The following CACNB2 variants were observed in gnomAD, a reference collection of about 807,000 sequenced individuals.
The protein encoded by CACNB2 is voltage-dependent L-type calcium channel subunit beta-2.
A neutral mutation model predicts 73.3 loss-of-function variants in CACNB2; 42 were observed. The observed-to-expected ratio is 0.57, with a 90% CI of 0.45 to 0.74. The LOEUF (loss-of-function observed/expected upper bound fraction) is 0.74, where lower values mean the gene tolerates loss of function less well. CACNB2 is among the 30% of genes least tolerant of loss of function. The pLI is 0.00. For synonymous variants in CACNB2, 348 were observed against 310.3 expected (o/e 1.12, Z -1.28); for missense variants, 940 against 853.0 (o/e 1.10, Z -1.27).
intron 2 of CACNB2, chr10:18,400,552 C>T: frequency 9.8e-7 from 1 of 1,022,134 alleles, no homozygotes; most frequent in Non-Finnish European, 1.2e-6. Context: ...CGTCCTCCTC[C>T]CTCCGCCTCC....
intron 2 of CACNB2, among the ~76,000 whole-genome samples, chr10:18,175,396 G>A (rs139515605): frequency 2.0e-5 from 3 of 152,212 alleles, no homozygotes; most frequent in African/African-American, 4.8e-5. Context: ...ATAAAATAAC[G>A]AAGACAGATG....
chr10:18,527,886 T>G (rs777804411), intron 10 of CACNB2, among the ~76,000 whole-genome samples, 189 bp downstream of exon 10: 6 of 152,222 alleles, frequency 3.9e-5, no homozygotes, highest in Admixed American at 3.9e-4. Context: ...AGTTTCAAGT[T>G]AAGAATTCCA....
chr10:18,422,479 G>T (rs1385020583), intron 3 of CACNB2, among the ~76,000 whole-genome samples: 2 of 152,128 alleles, frequency 1.3e-5, no homozygotes, highest in African/African-American at 4.8e-5. Flanking sequence ...CCTGCCCAAA[G>T]GTTTAAGATT....
chr10:18,539,523 C>G lies in CACNB2; in HGVS notation c.1782C>G (p.Thr594=). The G allele has an allele frequency of 1.2e-6, 2 of 1,613,824 alleles. No individual in the cohort carries two copies. Among genetic ancestry groups the G allele is most frequent in the Non-Finnish European group, 1.7e-6 (2 of 1,179,954 alleles). ...SHRDHNHRDE[T]HGSSDHRHRE... is the part of the protein sequence containing the mutation. ...GTGACCACAACCACAGAGACGAGAC[C>G]CACGGGAGCAGTGACCACAGACACA... Residue 594 remains threonine, a synonymous_variant, in exon 14 of 14, where the codon ACC becomes ACG. Coordinates refer to ENST00000324631, the MANE Select transcript of CACNB2 (RefSeq NM_201596.3).
At chr10:18,248,384 A>G (rs1185481979) in intron 2 of CACNB2, among the ~76,000 whole-genome samples, 3 of 152,250 alleles carry the variant, frequency 2.0e-5, no homozygotes, top group African/African-American at 7.2e-5. Flanking sequence ...ATAATTAAAA[A>G]GTAATTGGGC....
intron 2 of CACNB2, among the ~76,000 whole-genome samples, chr10:18,325,249 G>T (rs2040536565): frequency 6.6e-6 from 1 of 152,186 alleles, no homozygotes; most frequent in Non-Finnish European, 1.5e-5. Flanking sequence ...GAGTACAGTG[G>T]CTCAGTCATA....
chr10:18,356,456 C>T (rs111278633), intron 2 of CACNB2, among the ~76,000 whole-genome samples: 99 of 152,172 alleles, frequency 6.5e-4, no homozygotes, highest in African/African-American at 2.2e-3. Flanking sequence ...TGGAATATTC[C>T]TCCCTGCCCT....
chr10:18,175,543 C>T (rs2033535412), intron 2 of CACNB2, among the ~76,000 whole-genome samples: 1 of 152,148 alleles, frequency 6.6e-6, no homozygotes, highest in African/African-American at 2.4e-5. Flanking sequence ...GTCTTTCACA[C>T]ACACACCCAC....
intron 3 of CACNB2, among the ~76,000 whole-genome samples, chr10:18,466,725 A>C (rs1365528995): frequency 6.6e-6 from 1 of 152,190 alleles, no homozygotes; most frequent in Non-Finnish European, 1.5e-5. Flanking sequence ...TAAAAATTCT[A>C]GCTCCTGGTA....
intron 2 of CACNB2, among the ~76,000 whole-genome samples, chr10:18,388,925 A>T (rs1304988519): frequency 6.6e-6 from 1 of 152,146 alleles, no homozygotes; most frequent in Non-Finnish European, 1.5e-5. Context: ...CCTTCCCCAT[A>T]TGCAAACAAC....
chr10:18,534,639 G>GTT (rs2053384196), intron 11 of CACNB2, among the ~76,000 whole-genome samples: 1 of 152,204 alleles, frequency 6.6e-6, no homozygotes, highest in Non-Finnish European at 1.5e-5. Flanking sequence ...TGCTTTCGCA[G>GTT]TTTGAGGGGA....
At position 18,261,352 on chromosome 10, in the gene CACNB2, G is replaced by A. The variant is rs538094186; in HGVS notation, c.213+110377G>A. The A allele has an allele frequency of 3.9e-6, 6 of 1,551,578 alleles. No individual in the cohort carries two copies. In the African/African-American group the frequency reaches 8.2e-5, roughly 21 times the overall value. On this transcript the variant is annotated intron_variant, in intron 2 of 13. Transcript: ENST00000324631. ...TATTGCTGTAGAATTGCAGCTGGGAGCTGAAAATACTATTCGTGTCTGTCT... is the reference window on the plus strand; with the variant it reads ...TATTGCTGTAGAATTGCAGCTGGGAACTGAAAATACTATTCGTGTCTGTCT...
At chr10:18,318,961 G>A (rs1209893505) in intron 2 of CACNB2, among the ~76,000 whole-genome samples, 1 of 152,208 alleles carries the variant, frequency 6.6e-6, no homozygotes, top group African/African-American at 2.4e-5. Flanking sequence ...ATGCTGGTGA[G>A]GCTGTGGAGA....
intron 2 of CACNB2, among the ~76,000 whole-genome samples, chr10:18,268,587 A>T (rs545085375): frequency 6.6e-6 from 1 of 152,232 alleles, no homozygotes; most frequent in East Asian, 1.9e-4. Context: ...TGGTGTTTGC[A>T]TGAGTAGAGG....
intron 3 of CACNB2, among the ~76,000 whole-genome samples, chr10:18,439,412 A>G (rs1366123388): frequency 1.3e-5 from 2 of 152,200 alleles, no homozygotes; most frequent in African/African-American, 4.8e-5. Context: ...TTTTAGGTAG[A>G]TGAGGGGAAG....
Position 18,447,552 on chromosome 10 carries a change from C to G in CACNB2, c.333+45509C>G, listed in dbSNP as rs553437031. 2.6e-5 allele frequency among the ~76,000 whole-genome samples: 4 copies of G among 152,208 alleles called. No individual in the cohort carries two copies. The South Asian group carries it at 8.3e-4, about 32-fold the overall frequency. ...GCATTTTCAGCAAACTAGAATAGGA[C>G]TTTGCAGAGTCAGGGAGTGTTCAGC... On this transcript the variant is annotated intron_variant, in intron 3 of 13. Coordinates refer to ENST00000324631, the MANE Select transcript of CACNB2 (RefSeq NM_201596.3).
chr10:18,220,144 T>TATATAC (rs1554772279), intron 2 of CACNB2, among the ~76,000 whole-genome samples: 9 of 38,950 alleles, frequency 2.3e-4, no homozygotes, highest in African/African-American at 3.2e-4. Context: ...TATATATATA[T>TATATAC]ATATATATAT....
In CACNB2 at chr10:18,442,970, G is replaced by GTATATATATATA. The variant is rs1363855794; in HGVS notation, c.333+40928_333+40929insATATATATATAT. ...TATATATATATATGTATATATATAT[G>GTATATATATATA]TGTATATATATATATGTATATATAT... On this transcript the variant is annotated intron_variant, in intron 3 of 13. Coordinates refer to ENST00000324631, the MANE Select transcript of CACNB2 (RefSeq NM_201596.3). 1.7e-3 allele frequency among the ~76,000 whole-genome samples: 36 copies of GTATATATATATA among 21,358 alleles called. 1 individual carries two copies. Among genetic ancestry groups the GTATATATATATA allele is most frequent in the Non-Finnish European group, 2.2e-3 (32 of 14,312 alleles). 14.0% of individuals were successfully genotyped at this position (21,358 alleles called of 152,430 possible). A position where few individuals can be genotyped will look rare whatever the true frequency, so the allele number is the denominator to read the frequency against.
At chr10:18,209,889 A>G (rs1273719099) in intron 2 of CACNB2, among the ~76,000 whole-genome samples, 1 of 152,230 alleles carries the variant, frequency 6.6e-6, no homozygotes, top group East Asian at 1.9e-4. Context: ...TAAAGATAAA[A>G]TACTAGTTCA....
Sources: allele counts gnomAD v4.1 joint callset (sites outside exome capture counted in the v4.1 genomes callset), GRCh38; gene constraint gnomAD v4.1.1; transcripts MANE v1.5; gene names NCBI Gene and HGNC (gene_info 2026-07-23, HGNC 2026-07-21).